NBAS: variants seen among roughly 807,000 people sequenced by gnomAD.
The protein encoded by NBAS is NBAS subunit of NRZ tethering complex, also known as NAG/BC035112 fusion.
Under a neutral mutation model 302.5 loss-of-function variants are expected in NBAS, and 219 were observed. The ratio of observed to expected loss-of-function variants is 0.72; its 90% CI spans 0.65 to 0.81. The LOEUF (loss-of-function observed/expected upper bound fraction) is 0.81, where lower values mean the gene tolerates loss of function less well. Among genes scored for constraint, NBAS ranks in the 30% least tolerant of loss-of-function variants. The pLI is 0.00. For synonymous variants in NBAS, 1,118 were observed against 1,021.6 expected, an observed-to-expected ratio of 1.09 and a Z score of -1.80; for missense variants, 2,932 against 2,841.6, an observed-to-expected ratio of 1.03 and a Z score of -0.72.
At chr2:15,263,081 A>T (rs1036844646) in intron 44 of NBAS, among the ~76,000 whole-genome samples, 1 of 152,140 alleles carries the variant, frequency 6.6e-6, no homozygotes, top group African/African-American at 2.4e-5. Flanking sequence ...AGGCTTCACA[A>T]TGAAATTTCC....
the NBAS span, among the ~76,000 whole-genome samples, chr2:15,070,577 T>C: frequency 6.6e-6 from 1 of 152,140 alleles, no homozygotes; most frequent in Non-Finnish European, 1.5e-5. Context: ...GCAAGTTTCC[T>C]GCCCTACAGC....
At chr2:14,836,750 A>G in the NBAS span, among the ~76,000 whole-genome samples, 1 of 151,910 alleles carries the variant, frequency 6.6e-6, no homozygotes, top group Non-Finnish European at 1.5e-5. Flanking sequence ...GATGGGGATC[A>G]CATCAAATAT....
chr2:15,517,788 C>T (rs1279358407), intron 9 of NBAS, among the ~76,000 whole-genome samples: 1 of 152,130 alleles, frequency 6.6e-6, no homozygotes, highest in East Asian at 1.9e-4. Context: ...CGTTTGCTTG[C>T]CTCATGACCT....
chr2:14,854,090 A>T, the NBAS span, among the ~76,000 whole-genome samples: 1 of 151,074 alleles, frequency 6.6e-6, no homozygotes, highest in Admixed American at 6.6e-5. Flanking sequence ...AATAATAATA[A>T]TAAAAAAAAG....
the NBAS span, among the ~76,000 whole-genome samples, chr2:14,887,610 C>A: frequency 1.5e-4 from 23 of 152,034 alleles, no homozygotes; most frequent in African/African-American, 5.3e-4. Context: ...CCAACACCTA[C>A]TTGATCACTA....
rs758853587 is a variant in NBAS, at chr2:15,461,684, T to G, written c.2202+3A>C. ...ATTATTTTATTTACAAAAAGCAAAT[T>G]ACCTGAGCATAAGTTCTTGCTGAGA... On this transcript the variant is annotated splice_donor_region_variant and intron_variant, in intron 20 of 51. Transcript: ENST00000281513. 4.6e-6 allele frequency: 7 copies of G among 1,538,138 alleles called. No homozygotes were observed. The highest frequency in any genetic ancestry group is 6.3e-6 in the Non-Finnish European group (7 of 1,113,700).
intron 44 of NBAS, among the ~76,000 whole-genome samples, chr2:15,248,050 G>C (rs923394499): frequency 3.9e-4 from 59 of 152,208 alleles, no homozygotes; most frequent in African/African-American, 1.4e-3. Context: ...CACATAATTG[G>C]AAGTAAAACA....
chr2:14,795,366 C>T, the NBAS span, among the ~76,000 whole-genome samples: 4 of 151,968 alleles, frequency 2.6e-5, no homozygotes, highest in Non-Finnish European at 2.9e-5. Flanking sequence ...AATCTTTGTG[C>T]ATGCTTATTT....
chr2:15,286,247 T>C (rs1363002958), intron 42 of NBAS, among the ~76,000 whole-genome samples: 3 of 152,202 alleles, frequency 2.0e-5, no homozygotes, highest in Non-Finnish European at 4.4e-5. Flanking sequence ...TCTGTTACCA[T>C]AAAAGCTCCC....
chr2:15,304,547 C>A (rs918189802), intron 40 of NBAS, among the ~76,000 whole-genome samples: 3 of 152,190 alleles, frequency 2.0e-5, no homozygotes, highest in Admixed American at 6.5e-5. Flanking sequence ...CAGAAGAAGA[C>A]AGAAAGATGT....
chr2:15,344,911 C>T (rs1673019918), intron 35 of NBAS, among the ~76,000 whole-genome samples: 1 of 152,094 alleles, frequency 6.6e-6, no homozygotes, highest in Admixed American at 6.6e-5. Context: ...TGACAAAAAC[C>T]ACATGATTAT....
At chr2:15,011,438 C>G in the NBAS span, among the ~76,000 whole-genome samples, 6 of 152,080 alleles carry the variant, frequency 3.9e-5, no homozygotes, top group Non-Finnish European at 8.8e-5. Flanking sequence ...CCCCCCAGAC[C>G]AGGTGAGCAG....
intron 33 of NBAS, among the ~76,000 whole-genome samples, 197 bp downstream of exon 33, chr2:15,356,106 A>C (rs1294491357): frequency 6.6e-6 from 1 of 152,226 alleles, no homozygotes; most frequent in East Asian, 1.9e-4. Flanking sequence ...AATAAAATTT[A>C]ATGTCTGAAT....
intron 44 of NBAS, among the ~76,000 whole-genome samples, chr2:15,240,490 G>A (rs945806478): frequency 1.3e-5 from 2 of 151,194 alleles, no homozygotes; most frequent in East Asian, 2.0e-4. Flanking sequence ...GGTGGCGGGC[G>A]CCTGTAGTCC....
At chr2:14,801,865 G>C in the NBAS span, among the ~76,000 whole-genome samples, 1 of 150,640 alleles carries the variant, frequency 6.6e-6, no homozygotes, top group Non-Finnish European at 1.5e-5. Flanking sequence ...TTTTTGATGG[G>C]GTTGTTTGTT....
intron 13 of NBAS, among the ~76,000 whole-genome samples, chr2:15,476,958 T>C (rs959648069): frequency 6.6e-6 from 1 of 152,174 alleles, no homozygotes; most frequent in Non-Finnish European, 1.5e-5. Context: ...ATTGTTTTAA[T>C]GAAAATAAAA....
At chr2:15,186,406 T>C (rs1665089338) in intron 50 of NBAS, among the ~76,000 whole-genome samples, 1 of 152,146 alleles carries the variant, frequency 6.6e-6, no homozygotes, top group African/African-American at 2.4e-5. Flanking sequence ...ACTATTACTT[T>C]ACCAACTGGC....
At chr2:14,990,863 T>C in the NBAS span, among the ~76,000 whole-genome samples, 1 of 152,192 alleles carries the variant, frequency 6.6e-6, no homozygotes, top group African/African-American at 2.4e-5. Flanking sequence ...CCATGGTTCC[T>C]GAAGCTGAAT....
chr2:15,356,843 T>G (rs904774340), intron 32 of NBAS, among the ~76,000 whole-genome samples: 2 of 152,174 alleles, frequency 1.3e-5, no homozygotes, highest in African/African-American at 4.8e-5. Context: ...TCATAAAAAT[T>G]CAACTACTAT....
Sources: allele counts gnomAD v4.1 joint callset (sites outside exome capture counted in the v4.1 genomes callset), GRCh38; gene constraint gnomAD v4.1.1; transcripts MANE v1.5; gene names NCBI Gene and HGNC (gene_info 2026-07-23, HGNC 2026-07-21).